Variants in PELI3 observed in about 807,000 individuals in gnomAD.
The protein encoded by PELI3 is pellino E3 ubiquitin protein ligase family member 3.
A neutral mutation model predicts 35.5 loss-of-function variants in PELI3; 19 were observed. The ratio of observed to expected loss-of-function variants is 0.54; its 90% confidence interval spans 0.37 to 0.79. The LOEUF (loss-of-function observed/expected upper bound fraction) is 0.79. Ranked by LOEUF, PELI3 falls within the 30% of genes least tolerant of loss-of-function variation. The probability of loss-of-function intolerance (pLI) is 0.00; values close to 1 mark genes in which losing one functional copy is unlikely to be tolerated. For missense variants in PELI3, 490 were observed against 661.2 expected (o/e 0.74, Z 2.84); for synonymous variants, 262 against 279.2 (o/e 0.94, Z 0.62).
intron 5 of PELI3, 40 bp downstream of exon 5, chr11:66,472,510 C>T (rs772490441): frequency 2.6e-6 from 4 of 1,531,820 alleles, no homozygotes; most frequent in Non-Finnish European, 3.6e-6. Context: ...GGCCACCAGG[C>T]CTCTAGGCTC....
At position 66,473,125 on chromosome 11, in the gene PELI3, C is replaced by T. The variant is rs1445309419; in HGVS notation, c.457-116C>T. 9 of 1,075,570 alleles carry T rather than the reference C, an allele frequency of 8.4e-6. No homozygotes were observed. The highest frequency in any genetic ancestry group is 1.2e-5 in the Non-Finnish European group (9 of 775,220). The allele number at this position is 1,075,570 out of a possible 1,614,324, so 66.6% of individuals were successfully genotyped here. A position where few individuals can be genotyped will look rare whatever the true frequency, so the allele number is the denominator to read the frequency against. On this transcript the variant is annotated intron_variant, in intron 5 of 7. Coordinates refer to ENST00000320740, the MANE Select transcript of PELI3 (RefSeq NM_145065.3). The surrounding 1 kb of genome is among the most constrained non-coding windows in gnomAD (Gnocchi z 5.8). ...GTGCTGCCCCTTCTCCAGGGCCTGG[C>T]AGCCTCCTTTTTTGGTGACCTTGCA...
Position 66,473,895 on chromosome 11 carries a change from C to T in PELI3, c.810C>T (p.Asp270=). ...SVCGNVYTLR[D]SRSAQQRGKL... ...GTGGGAATGTGTACACATTGCGGGA[C>T]AGCCGCTCAGCCCAGCAGCGGGGCA... Residue 270 remains aspartate, a synonymous_variant, in exon 7 of 8, where the codon GAC becomes GAT. Transcript: ENST00000320740. The surrounding 1 kb of genome is among the most constrained non-coding windows in gnomAD (Gnocchi z 5.8). The T allele has an allele frequency of 6.2e-7, 1 of 1,613,592 alleles. No homozygotes were observed. The highest frequency in any genetic ancestry group is 1.1e-5 in the South Asian group (1 of 91,088).
intron 4 of PELI3, among the ~76,000 whole-genome samples, 174 bp downstream of exon 4, chr11:66,471,545 A>G (rs1854716839): frequency 6.6e-6 from 1 of 152,102 alleles, no homozygotes; most frequent in Non-Finnish European, 1.5e-5. Flanking sequence ...AATCCTTTGC[A>G]GTGTGCGCAG....
In PELI3 at chr11:66,467,938, A is replaced by T. The variant is rs140910248; in HGVS notation, c.-1-190A>T. On this transcript the variant is annotated intron_variant, in intron 1 of 7. Transcript: ENST00000320740. The surrounding 1 kb of genome is among the most constrained non-coding windows in gnomAD (Gnocchi z 4.2). ...ATATCCTGACTCTCTTCACTGTGCC[A>T]CCCCTCCCTGGTATCCCAGCAACCT... Among the ~76,000 whole-genome samples the T allele has an allele frequency of 2.8e-3, 424 of 152,192 alleles. No homozygotes were observed. The highest frequency in any genetic ancestry group is 5.1e-3 in the Non-Finnish European group (346 of 68,004).
rs1164013184 is a variant in PELI3, at chr11:66,468,208, T to G, written c.80T>G (p.Val27Gly). ...LQHRGNKGSCVLSSPGEDAQP... is the reference protein window; with the variant it reads ...LQHRGNKGSCGLSSPGEDAQP... The stretch of plus-strand genomic sequence containing the variant: ...CACCGGGGGAACAAGGGCTCTTGCG[T>G]TCTCTCCTCTCCCGGTGAAGATGCG... Residue 27 changes from valine (V) to glycine (G), a missense_variant, in exon 2 of 8, where the codon GTT becomes GGT. This residue lies in a region of PELI3 where 137 missense variants were observed against 157.1 expected (regional missense o/e 0.87). Transcript: ENST00000320740. 35 of 1,605,864 alleles carry G rather than the reference T, an allele frequency of 2.2e-5. No individual in the cohort carries two copies. The highest frequency in any genetic ancestry group is 3.0e-5 in the Non-Finnish European group (35 of 1,175,570).
At position 66,467,984 on chromosome 11, in the gene PELI3, G is replaced by A. The variant is rs77781448; in HGVS notation, c.-1-144G>A. On this transcript the variant is annotated intron_variant, in intron 1 of 7. Transcript: ENST00000320740. The surrounding 1 kb of genome is among the most constrained non-coding windows in gnomAD (Gnocchi z 4.2). ...AACCTCGGGCAGTTTAGAGGAGGCA[G>A]AGGGGAAGTGGTTGCCATAGCAGTA... The A allele has an allele frequency of 3.7e-4, 375 of 1,022,992 alleles. No individual in the cohort carries two copies. In the African/African-American group the frequency reaches 5.9e-3, roughly 16 times the overall value. 63.4% of individuals were successfully genotyped at this position (1,022,992 alleles called of 1,614,324 possible). A position where few individuals can be genotyped will look rare whatever the true frequency, so the allele number is the denominator to read the frequency against.
chr11:66,476,158 G>C lies in PELI3; in HGVS notation c.1401G>C (p.Pro467=). 1 of 1,546,700 alleles carries C rather than the reference G, an allele frequency of 6.5e-7. No individual in the cohort carries two copies. Among genetic ancestry groups the C allele is most frequent in the Non-Finnish European group, 8.7e-7 (1 of 1,151,938 alleles). Residue 467 remains proline (P), a synonymous_variant, in exon 8 of 8, where the codon CCG becomes CCC. Coordinates refer to ENST00000320740, the MANE Select transcript of PELI3 (RefSeq NM_145065.3). Reference sequence around the variant, plus strand: ...GCGTCCGCCTCATTTTCCAGGGCCCGCTGGATTAGGCTCCCTGGGGCCCCC... The same window carrying C: ...GCGTCCGCCTCATTTTCCAGGGCCCCCTGGATTAGGCTCCCTGGGGCCCCC... The part of the protein sequence containing the change: ...HGCVRLIFQG[P]LD
In PELI3 at chr11:66,468,160, C is replaced by T. The variant is rs199980830; in HGVS notation, c.32C>T (p.Ser11Phe). Reference sequence around the variant, plus strand: ...CTGGAAGGAAACCCTGAAGTGGGGTCCCCCCGAACCTCAGACCTCCAGCAC... The same window carrying T: ...CTGGAAGGAAACCCTGAAGTGGGGTTCCCCCGAACCTCAGACCTCCAGCAC... MVLEGNPEVG[S>F]PRTSDLQHRG... is the part of the protein sequence containing the mutation. Residue 11 changes from serine (S) to phenylalanine (F), a missense_variant, in exon 2 of 8, where the codon TCC becomes TTC. Coordinates refer to ENST00000320740, the MANE Select transcript of PELI3 (RefSeq NM_145065.3). The T allele has an allele frequency of 3.7e-4, 596 of 1,606,716 alleles. No homozygotes were observed. Among genetic ancestry groups the T allele is most frequent in the Non-Finnish European group, 4.8e-4 (559 of 1,176,188 alleles).
Position 66,471,259 on chromosome 11 carries a change from CA to C in PELI3, c.244del (p.Ser82ValfsTer13), listed in dbSNP as rs1854705554. ...ATCTACAGCTACAATGGTTGTCTGGCAAGTGGGGACAAGGGCCGCCGGCGAA... is the reference window on the plus strand; with the variant it reads ...ATCTACAGCTACAATGGTTGTCTGGCAGTGGGGACAAGGGCCGCCGGCGAA... ...RAHSCYNGCL[A>X]SGDKGRRRSR... On this transcript the variant is annotated frameshift_variant, in exon 4 of 8. Coordinates refer to ENST00000320740, the MANE Select transcript of PELI3 (RefSeq NM_145065.3). LOFTEE classifies it high-confidence loss of function. 6.2e-7 allele frequency: 1 copy of C among 1,613,152 alleles called. No individual in the cohort carries two copies. Among genetic ancestry groups the C allele is most frequent in the Non-Finnish European group, 8.5e-7 (1 of 1,179,470 alleles).
Position 66,476,363 on chromosome 11 carries a change from GATGGGGCCTTCAGCACC to G in PELI3, c.*198_*214del. ...CCAAGATCTCCACCCCAGTCATGCT[GATGGGGCCTTCAGCACC>G]AGCTCTGTCCTGGGTCGATGGAGGA... On this transcript the variant is annotated 3_prime_UTR_variant, in exon 8 of 8. Transcript: ENST00000320740. 1 of 628,678 alleles carries G rather than the reference GATGGGGCCTTCAGCACC, an allele frequency of 1.6e-6. No individual in the cohort carries two copies. The allele number at this position is 628,678 out of a possible 1,614,324, so 38.9% of individuals were successfully genotyped here. A position where few individuals can be genotyped will look rare whatever the true frequency, so the allele number is the denominator to read the frequency against.
chr11:66,470,147 C>T (rs991462025), intron 3 of PELI3, among the ~76,000 whole-genome samples: 1 of 152,128 alleles, frequency 6.6e-6, no homozygotes, highest in African/African-American at 2.4e-5. Context: ...TTCAAGTGGC[C>T]TTGTCTGTAT....
At chr11:66,475,155 G>A (rs1380388738) in intron 7 of PELI3, 1 of 190,606 alleles carries the variant, frequency 5.2e-6, no homozygotes, top group Non-Finnish European at 1.1e-5. Context: ...GTTAGTCAAC[G>A]GTGAGGCCAG....
chr11:66,473,838 A>G lies in PELI3; in HGVS notation c.753A>G (p.Ser251=). 6.2e-7 allele frequency: 1 copy of G among 1,613,884 alleles called. No homozygotes were observed. Among genetic ancestry groups the G allele is most frequent in the South Asian group, 1.1e-5 (1 of 91,086 alleles). The change falls in exon 7 of 8, where the codon TCA becomes TCG. Residue 251 remains serine (S), a synonymous_variant. Coordinates refer to ENST00000320740, the MANE Select transcript of PELI3 (RefSeq NM_145065.3). The surrounding 1 kb of genome is among the most constrained non-coding windows in gnomAD (Gnocchi z 5.8). ...MHPAGGFSED[S]APGVWREISV... is the part of the protein sequence containing the mutation. ...CGGCAGGCGGCTTCTCCGAGGACTC[A>G]GCCCCGGGTGTCTGGCGGGAGATCT...
At chr11:66,472,611 G>A in intron 5 of PELI3, 141 bp downstream of exon 5, 1 of 658,090 alleles carries the variant, frequency 1.5e-6, no homozygotes, top group East Asian at 2.7e-5. Flanking sequence ...GGTGTGGGCT[G>A]TTGACTGCAG....
Position 66,471,297 on chromosome 11 carries a change from C to T in PELI3, c.280C>T (p.Leu94=). The part of the protein sequence containing the change: ...DKGRRRSRLA[L]SRRSHANGVK... ...GGGCCGCCGGCGAAGCCGCCTGGCACTGAGCCGCCGGTCGCACGCCAACGG... is the reference window on the plus strand; with the variant it reads ...GGGCCGCCGGCGAAGCCGCCTGGCATTGAGCCGCCGGTCGCACGCCAACGG... The change falls in exon 4 of 8, where the codon CTG becomes TTG. Residue 94 remains leucine (L), a synonymous_variant. Transcript: ENST00000320740. The T allele has an allele frequency of 3.1e-6, 5 of 1,613,802 alleles. No homozygotes were observed. The highest frequency in any genetic ancestry group is 4.2e-6 in the Non-Finnish European group (5 of 1,179,982).
intron 3 of PELI3, among the ~76,000 whole-genome samples, chr11:66,470,815 C>T (rs530325436): frequency 2.6e-5 from 4 of 152,168 alleles, no homozygotes; most frequent in Admixed American, 1.3e-4. Context: ...GATCCTAGGG[C>T]GAGAATTCCC....
intron 3 of PELI3, 143 bp downstream of exon 3, chr11:66,469,047 C>T (rs1210573175): frequency 5.6e-6 from 3 of 539,696 alleles, no homozygotes; most frequent in Non-Finnish European, 1.0e-5. Context: ...GGCGGCCTGG[C>T]CAACCTCATC....
chr11:66,476,401 G>A lies in PELI3; in HGVS notation c.*234G>A. ...GCACCAGCTCTGTCCTGGGTCGATG[G>A]AGGAAAGCCCAGCCCCATGGCCTTG... On this transcript the variant is annotated 3_prime_UTR_variant, in exon 8 of 8. Transcript: ENST00000320740. 6 of 571,930 alleles carry A rather than the reference G, an allele frequency of 1.0e-5. No homozygotes were observed. The South Asian group carries it at 1.1e-4, about 11-fold the overall frequency. The allele number at this position is 571,930 out of a possible 1,614,324, so 35.4% of individuals were successfully genotyped here.
upstream of PELI3, chr11:66,466,835 T>C (rs1438784762): frequency 4.2e-5 from 4 of 95,348 alleles, no homozygotes; most frequent in East Asian, 9.6e-4. Flanking sequence ...GCGGGGAAAA[T>C]GGGGCGGGGC....
Sources: gnomAD v4.1 joint callset for allele counts (sites outside exome capture counted in the v4.1 genomes callset) on GRCh38, gnomAD v4.1.1 for gene constraint, gnomAD v4.1.1 regional missense constraint, Gnocchi (gnomAD v3.1) non-coding constraint, MANE v1.5 for transcripts, NCBI Gene and HGNC (gene_info 2026-07-23, HGNC 2026-07-21) for gene names.